EML1: variants seen among roughly 807,000 people sequenced by gnomAD.
The protein encoded by EML1 is echinoderm microtubule-associated protein-like 1.
A neutral mutation model predicts 110.4 loss-of-function variants in EML1; 27 were observed. The observed-to-expected ratio is 0.24, with a 90% CI of 0.18 to 0.34. The LOEUF (loss-of-function observed/expected upper bound fraction) is 0.34. EML1 is among the 10% of genes least tolerant of loss of function. The pLI is 1.00. For synonymous variants in EML1, 344 were observed against 385.8 expected (o/e 0.89, Z 1.27); for missense variants, 741 against 1,030.9 (o/e 0.72, Z 3.85).
At chr14:99,890,251 G>A (rs911484818) in intron 4 of EML1, among the ~76,000 whole-genome samples, 11 of 152,126 alleles carry the variant, frequency 7.2e-5, no homozygotes, top group Non-Finnish European at 1.3e-4. Context: ...TTCCTGTGTC[G>A]TCTTTTGTAT....
chr14:99,765,494 G>A (rs757722536), intron 1 of EML1, among the ~76,000 whole-genome samples: 17 of 151,858 alleles, frequency 1.1e-4, no homozygotes, highest in African/African-American at 2.9e-4. Flanking sequence ...TTTTATTTCC[G>A]GTTTATTTCA....
chr14:99,874,101 GA>G (rs2059249374), intron 3 of EML1, among the ~76,000 whole-genome samples: 1 of 152,170 alleles, frequency 6.6e-6, no homozygotes, highest in Admixed American at 6.5e-5. Flanking sequence ...CATGATGAAA[GA>G]AAACCTAATT....
At chr14:99,752,114 G>A (rs1190152146) in intron 1 of EML1, among the ~76,000 whole-genome samples, 1 of 152,154 alleles carries the variant, frequency 6.6e-6, no homozygotes, top group Non-Finnish European at 1.5e-5. Context: ...GCGCAGGGCT[G>A]ATGTTTAATA....
At chr14:99,873,545 G>A (rs2059239945) in intron 3 of EML1, among the ~76,000 whole-genome samples, 1 of 152,200 alleles carries the variant, frequency 6.6e-6, no homozygotes. Flanking sequence ...AAATAGAGGT[G>A]GAAGTATTGT....
intron 1 of EML1, among the ~76,000 whole-genome samples, chr14:99,832,128 T>C (rs1158276818): frequency 1.3e-5 from 2 of 152,208 alleles, no homozygotes; most frequent in Non-Finnish European, 2.9e-5. Context: ...ACTGGAACCA[T>C]GCAGAATGTA....
At chr14:99,804,550 A>G (rs969766686) in intron 1 of EML1, among the ~76,000 whole-genome samples, 5 of 152,234 alleles carry the variant, frequency 3.3e-5, no homozygotes, top group African/African-American at 1.2e-4. Flanking sequence ...GAAGCCAAGC[A>G]TTCTGGCTCC....
At chr14:99,896,507 T>G (rs2059673539) in intron 6 of EML1, among the ~76,000 whole-genome samples, 1 of 152,208 alleles carries the variant, frequency 6.6e-6, no homozygotes, top group Non-Finnish European at 1.5e-5. Flanking sequence ...AAAACATTAT[T>G]CAAAACATTT....
intron 16 of EML1, 130 bp from the exon 17 acceptor site, chr14:99,920,659 C>A: frequency 1.4e-6 from 1 of 706,174 alleles, no homozygotes; most frequent in Non-Finnish European, 2.2e-6. Context: ...TGGGAACAAG[C>A]TTTCTTATTA....
intron 17 of EML1, among the ~76,000 whole-genome samples, chr14:99,929,924 T>C (rs1013274096): frequency 1.2e-4 from 19 of 152,190 alleles, no homozygotes; most frequent in African/African-American, 4.1e-4. Flanking sequence ...GTTCTGCTGA[T>C]GGCCAGAGGA....
At chr14:99,925,851 A>G (rs1394234788) in intron 17 of EML1, among the ~76,000 whole-genome samples, 1 of 152,138 alleles carries the variant, frequency 6.6e-6, no homozygotes, top group Admixed American at 6.5e-5. Flanking sequence ...CACCCATCCA[A>G]TAACCGTAAC....
At chr14:99,751,816 A>G (rs566886719) in intron 1 of EML1, among the ~76,000 whole-genome samples, 1 of 152,210 alleles carries the variant, frequency 6.6e-6, no homozygotes, top group South Asian at 2.1e-4. Flanking sequence ...GAGCTTAGAC[A>G]GGAGGGGTTG....
intron 2 of EML1, among the ~76,000 whole-genome samples, chr14:99,861,002 T>A (rs2058994332): frequency 6.6e-6 from 1 of 152,224 alleles, no homozygotes; most frequent in Non-Finnish European, 1.5e-5. Context: ...TTTCTATTTC[T>A]TCTTTTGAGA....
intron 1 of EML1, among the ~76,000 whole-genome samples, chr14:99,821,829 C>T (rs571930775): frequency 2.6e-5 from 4 of 152,302 alleles, no homozygotes; most frequent in South Asian, 2.1e-4. Context: ...TACATTTCTA[C>T]GTGCTAATAT....
At chr14:99,838,794 T>C (rs537961724) in intron 1 of EML1, among the ~76,000 whole-genome samples, 1 of 150,456 alleles carries the variant, frequency 6.6e-6, no homozygotes, top group African/African-American at 2.5e-5. Context: ...CAGGATCTCT[T>C]GTTTGCTTTA....
Position 99,805,162 on chromosome 14 carries a change from G to T in EML1, c.67+11619G>T, listed in dbSNP as rs536949391. On this transcript the variant is annotated intron_variant, in intron 1 of 21. Coordinates refer to ENST00000262233, the MANE Select transcript of EML1 (RefSeq NM_004434.3). ...GGGTGCCCCTTAGGCCCCAGGCCAC[G>T]TGTCTCAGGGCATAGCCAGCTCCAC... Among the ~76,000 whole-genome samples the T allele has an allele frequency of 6.4e-4, 97 of 152,326 alleles. 3 individuals carry two copies. The South Asian group carries it at 0.019, about 31-fold the overall frequency.
At chr14:99,900,406 C>G (rs184924190) in intron 8 of EML1, among the ~76,000 whole-genome samples, 1 of 151,780 alleles carries the variant, frequency 6.6e-6, no homozygotes, top group African/African-American at 2.4e-5. Flanking sequence ...AGGCTGGTCT[C>G]GAACTCCTGA....
intron 1 of EML1, among the ~76,000 whole-genome samples, chr14:99,823,275 G>A (rs1364097407): frequency 1.3e-5 from 2 of 151,568 alleles, no homozygotes; most frequent in Non-Finnish European, 2.9e-5. Flanking sequence ...GCTAGTTCCC[G>A]GCTCACAGCA....
chr14:99,754,447 G>A (rs2057221347), intron 1 of EML1, among the ~76,000 whole-genome samples: 1 of 152,192 alleles, frequency 6.6e-6, no homozygotes, highest in Non-Finnish European at 1.5e-5. Context: ...CTCTGGGTGG[G>A]GCCGTGACTC....
intron 1 of EML1, among the ~76,000 whole-genome samples, chr14:99,796,850 C>A (rs1375909432): frequency 1.3e-5 from 2 of 151,972 alleles, no homozygotes; most frequent in Middle Eastern, 3.4e-3. Context: ...GATTTGGCAA[C>A]TTTATCAGGC....
Sources: gnomAD v4.1 joint callset for allele counts (sites outside exome capture counted in the v4.1 genomes callset) on GRCh38, gnomAD v4.1.1 for gene constraint, MANE v1.5 for transcripts, NCBI Gene and HGNC (gene_info 2026-07-23, HGNC 2026-07-21) for gene names.